Variants in SCAF4 observed in about 807,000 individuals in gnomAD.
SCAF4 encodes SR-related and CTD-associated factor 4.
In SCAF4, 25 loss-of-function variants were observed where a neutral mutation model predicts 129.8. The ratio of observed to expected loss-of-function variants is 0.19; its 90% CI spans 0.14 to 0.27. The LOEUF is 0.27. Among genes scored for constraint, SCAF4 ranks in the 10% least tolerant of loss-of-function variants. SCAF4 has a pLI of 1.00. For synonymous variants in SCAF4, 551 were observed against 497.7 expected (o/e 1.11, Z -1.43); for missense variants, 1,246 against 1,457.1 (o/e 0.86, Z 2.36).
At chr21:31,710,305 T>C (rs553252288) in intron 1 of SCAF4, among the ~76,000 whole-genome samples, 31 of 151,874 alleles carry the variant, frequency 2.0e-4, no homozygotes, top group African/African-American at 5.8e-4. Context: ...TCCCAGCACT[T>C]TGGGAGGCCA....
At chr21:31,726,578 T>C (rs1199635712) in intron 1 of SCAF4, among the ~76,000 whole-genome samples, 1 of 152,152 alleles carries the variant, frequency 6.6e-6, no homozygotes, top group Non-Finnish European at 1.5e-5. Flanking sequence ...GACAGGAGGA[T>C]GGCTTGAGCC....
intron 3 of SCAF4, 117 bp downstream of exon 3, chr21:31,705,306 C>T (rs1045548746): frequency 2.3e-5 from 12 of 512,532 alleles, no homozygotes; most frequent in African/African-American, 4.1e-5. Flanking sequence ...TTAAAAAGAA[C>T]CTCTAGTGAC....
intron 1 of SCAF4, among the ~76,000 whole-genome samples, chr21:31,712,511 T>A (rs1420338970): frequency 1.4e-5 from 2 of 146,368 alleles, no homozygotes; most frequent in Admixed American, 1.4e-4. Context: ...AGCCACCATG[T>A]CTGGCCTGAT....
chr21:31,713,692 T>A (rs1431279105), intron 1 of SCAF4, among the ~76,000 whole-genome samples: 2 of 128,124 alleles, frequency 1.6e-5, no homozygotes, highest in African/African-American at 6.0e-5. Context: ...CACCTTTCAA[T>A]AATGTGTAGG....
chr21:31,684,912 C>T, intron 19 of SCAF4, 137 bp downstream of exon 19: 2 of 577,506 alleles, frequency 3.5e-6, no homozygotes, highest in Non-Finnish European at 6.1e-6. Flanking sequence ...ACAAACAAAA[C>T]AACCAAAAAA....
At position 31,712,222 on chromosome 21, in the gene SCAF4, C is replaced by CTTTTTTTTTTTTTTTTTTTTTTTTT. The variant is rs11408552; in HGVS notation, c.31-5866_31-5865insAAAAAAAAAAAAAAAAAAAAAAAAA. ...GTTTGATTCTCCCATTTGTTTGTTG[C>CTTTTTTTTTTTTTTTTTTTTTTTTT]TTTTTTTTTTTTTTTGAGACAGTCT... On this transcript the variant is annotated intron_variant, in intron 1 of 19. Transcript: ENST00000286835. Among the ~76,000 whole-genome samples, 11 of 135,442 alleles carry CTTTTTTTTTTTTTTTTTTTTTTTTT rather than the reference C, an allele frequency of 8.1e-5. 1 individual carries two copies. Among genetic ancestry groups the CTTTTTTTTTTTTTTTTTTTTTTTTT allele is most frequent in the African/African-American group, 2.8e-4 (10 of 35,752 alleles). 88.9% of individuals were successfully genotyped at this position (135,442 alleles called of 152,430 possible).
intron 1 of SCAF4, among the ~76,000 whole-genome samples, chr21:31,721,480 A>G (rs1301626338): frequency 6.6e-6 from 1 of 152,174 alleles, no homozygotes; most frequent in Non-Finnish European, 1.5e-5. Flanking sequence ...CTGAAAGTCA[A>G]AAGGAGGAAA....
intron 1 of SCAF4, among the ~76,000 whole-genome samples, chr21:31,723,642 G>GCGCGCGCA (rs1294225357): frequency 1.3e-5 from 2 of 151,508 alleles, no homozygotes; most frequent in East Asian, 3.9e-4. Context: ...GCGCGCGCGC[G>GCGCGCGCA]CGCGCACATA....
In SCAF4 at chr21:31,706,259, T is replaced by A. The variant is rs772014202; in HGVS notation, c.114+15A>T. 5.4e-6 allele frequency: 8 copies of A among 1,494,102 alleles called. No individual in the cohort carries two copies. In the Admixed American group the frequency reaches 1.0e-4, roughly 19 times the overall value. 92.6% of individuals were successfully genotyped at this position (1,494,102 alleles called of 1,614,324 possible). On this transcript the variant is annotated intron_variant, in intron 2 of 19. Transcript: ENST00000286835. ...TTTCAAAAAGATTTCTCAAATTGCTTTATTTTATCATTACCTTAATAGCTT... is the reference window on the plus strand; with the variant it reads ...TTTCAAAAAGATTTCTCAAATTGCTATATTTTATCATTACCTTAATAGCTT...
At chr21:31,705,290 T>C (rs1436246512) in intron 3 of SCAF4, 133 bp downstream of exon 3, 14 of 485,574 alleles carry the variant, frequency 2.9e-5, no homozygotes, top group Non-Finnish European at 4.9e-5. Context: ...TATAAACTTC[T>C]AGTGATTAAA....
At position 31,688,387 on chromosome 21, in the gene SCAF4, C is replaced by G. The variant is rs375390308; in HGVS notation, c.1963G>C (p.Val655Leu). The G allele has an allele frequency of 1.2e-6, 2 of 1,613,792 alleles. No individual in the cohort carries two copies. Among genetic ancestry groups the G allele is most frequent in the Non-Finnish European group, 1.7e-6 (2 of 1,179,928 alleles). The part of the protein sequence containing the change: ...GGAETSHTEP[V>L]SPIPKPLPVP... ...GGTAATGGTTTAGGTATGGGTGATA[C>G]TGGTTCTGTGTGTGAGGTTTCAGCA... The change falls in exon 16 of 20, where the codon GTA becomes CTA. Residue 655 changes from valine to leucine, a missense_variant. Coordinates refer to ENST00000286835, the MANE Select transcript of SCAF4 (RefSeq NM_020706.2).
chr21:31,684,131 G>A (rs372409563), intron 19 of SCAF4: 1 of 153,458 alleles, frequency 6.5e-6, no homozygotes, highest in African/African-American at 2.4e-5. Context: ...CATCTCAGAG[G>A]TAATCAATAG....
At chr21:31,679,894 C>T (rs901409477) in intron 19 of SCAF4, among the ~76,000 whole-genome samples, 2 of 152,122 alleles carry the variant, frequency 1.3e-5, no homozygotes, top group African/African-American at 4.8e-5. Context: ...AAGTATGTTA[C>T]TATAATTGAC....
chr21:31,727,224 G>A (rs559442143), intron 1 of SCAF4, among the ~76,000 whole-genome samples: 45 of 152,018 alleles, frequency 3.0e-4, no homozygotes, highest in South Asian at 2.1e-3. Context: ...GATTACAGGC[G>A]CCTACCACCA....
At chr21:31,719,291 AAAAAAAAACAAAAAACAAAAAAC>A (rs892616202) in intron 1 of SCAF4, among the ~76,000 whole-genome samples, 3 of 148,094 alleles carry the variant, frequency 2.0e-5, no homozygotes, top group Non-Finnish European at 3.0e-5. Context: ...ACTCTGTCCC[AAAAAAAAACAAAAAACAAAAAAC>A]AAAAAAAACA....
intron 15 of SCAF4, 52 bp downstream of exon 15, chr21:31,690,745 T>G (rs2050240874): frequency 1.3e-6 from 2 of 1,530,146 alleles, no homozygotes; most frequent in African/African-American, 1.4e-5. Context: ...ATTTGTCATA[T>G]GTACTACCAA....
Position 31,732,044 on chromosome 21 carries a change from G to A in SCAF4, c.-352C>T. ...TGGCTCACACTGGCCCGGCCGGCGA[G>A]CGGGCGGGCCTCTCTCTCCCTCTCT... is the stretch of plus-strand genomic sequence containing the variant. On this transcript the variant is annotated 5_prime_UTR_variant, in exon 1 of 20. Transcript: ENST00000286835. 1 of 430,190 alleles carries A rather than the reference G, an allele frequency of 2.3e-6. No homozygotes were observed. Among genetic ancestry groups the A allele is most frequent in the Non-Finnish European group, 4.0e-6 (1 of 247,012 alleles). 26.6% of individuals were successfully genotyped at this position (430,190 alleles called of 1,614,324 possible). A position where few individuals can be genotyped will look rare whatever the true frequency, so the allele number is the denominator to read the frequency against.
chr21:31,721,155 G>T (rs2123675911), intron 1 of SCAF4, among the ~76,000 whole-genome samples: 1 of 152,132 alleles, frequency 6.6e-6, no homozygotes, highest in East Asian at 1.9e-4. Context: ...TCCTCCTTTT[G>T]CTGTCTGCCA....
intron 19 of SCAF4, among the ~76,000 whole-genome samples, chr21:31,682,216 TA>T (rs1214719507): frequency 6.6e-6 from 1 of 151,978 alleles, no homozygotes; most frequent in Non-Finnish European, 1.5e-5. Flanking sequence ...CTGTCTCTAC[TA>T]AAAATAGAAA....
Sources: allele counts gnomAD v4.1 joint callset (sites outside exome capture counted in the v4.1 genomes callset), GRCh38; gene constraint gnomAD v4.1.1; transcripts MANE v1.5; gene names NCBI Gene and HGNC (gene_info 2026-07-23, HGNC 2026-07-21).